The following SRL variants were observed in gnomAD, a reference collection of about 807,000 sequenced individuals.
SRL encodes sarcalumenin.
SRL carries 23 observed loss-of-function variants against 39.5 expected under a neutral mutation model. That is an observed-to-expected ratio of 0.58 (90% CI 0.42 to 0.82). The LOEUF is 0.82. Ranked by LOEUF, SRL falls within the 40% of genes least tolerant of loss-of-function variation. The probability of loss-of-function intolerance (pLI) is 0.00; values close to 1 mark genes in which losing one functional copy is unlikely to be tolerated. For missense variants in SRL, 592 were observed against 607.8 expected (o/e 0.97, Z 0.27); for synonymous variants, 272 against 237.4 (o/e 1.15, Z -1.34).
intron 1 of SRL, among the ~76,000 whole-genome samples, chr16:4,216,695 G>T (rs561272500): frequency 6.6e-6 from 1 of 152,150 alleles, no homozygotes; most frequent in Non-Finnish European, 1.5e-5. Context: ...GAGATCAGCC[G>T]TGCCTGCAGT....
chr16:4,204,376 C>T (rs1411247048), intron 2 of SRL, among the ~76,000 whole-genome samples, 157 bp downstream of exon 2: 8 of 143,778 alleles, frequency 5.6e-5, no homozygotes, highest in Non-Finnish European at 3.1e-5. Context: ...GGGCTCTCCT[C>T]TTCCCCAACG....
At chr16:4,226,504 AGGAT>A (rs966729249) in intron 1 of SRL, among the ~76,000 whole-genome samples, 2 of 150,744 alleles carry the variant, frequency 1.3e-5, no homozygotes, top group Non-Finnish European at 3.0e-5. Flanking sequence ...GGTGAGTGGA[AGGAT>A]GGATGGATGG....
chr16:4,221,377 C>G (rs553582239), intron 1 of SRL, among the ~76,000 whole-genome samples: 13 of 152,206 alleles, frequency 8.5e-5, no homozygotes, highest in Non-Finnish European at 1.8e-4. Flanking sequence ...CCTTGGCAGC[C>G]TCATGGCCAC....
At chr16:4,229,737 T>C (rs1242353588) in intron 1 of SRL, among the ~76,000 whole-genome samples, 1 of 152,100 alleles carries the variant, frequency 6.6e-6, no homozygotes, top group Non-Finnish European at 1.5e-5. Context: ...CATCATGCAC[T>C]ACATCCATGT....
At chr16:4,230,717 T>C (rs911225489) in intron 1 of SRL, among the ~76,000 whole-genome samples, 1 of 152,000 alleles carries the variant, frequency 6.6e-6, no homozygotes, top group African/African-American at 2.4e-5. Flanking sequence ...AAACAGGGTC[T>C]TTGCAAATGT....
At chr16:4,222,117 C>A (rs2052537245) in intron 1 of SRL, among the ~76,000 whole-genome samples, 1 of 152,226 alleles carries the variant, frequency 6.6e-6, no homozygotes, top group African/African-American at 2.4e-5. Flanking sequence ...CCACCACCTG[C>A]CTAACCCACT....
intron 1 of SRL, among the ~76,000 whole-genome samples, chr16:4,205,973 C>A (rs1173596647): frequency 6.6e-6 from 1 of 151,822 alleles, no homozygotes; most frequent in Non-Finnish European, 1.5e-5. Flanking sequence ...TAAATTAATT[C>A]TTCAACGAAG....
At chr16:4,207,257 GTCC>G (rs1567179382) in intron 1 of SRL, 1 of 456,952 alleles carries the variant, frequency 2.2e-6, no homozygotes, top group South Asian at 1.5e-5. Context: ...CTTCATCTGC[GTCC>G]TCCTCAGTCA....
At chr16:4,206,759 CT>C in intron 1 of SRL, 2 of 454,830 alleles carry the variant, frequency 4.4e-6, no homozygotes, top group South Asian at 1.6e-5. Flanking sequence ...CTCCCTCCCC[CT>C]GATGTCCCTC....
chr16:4,240,590 C>A (rs2052762433), intron 1 of SRL, among the ~76,000 whole-genome samples: 1 of 152,148 alleles, frequency 6.6e-6, no homozygotes, highest in Non-Finnish European at 1.5e-5. Context: ...GCACAAGCAC[C>A]TGCCTGCGTC....
At chr16:4,230,234 CA>C (rs371972741) in intron 1 of SRL, among the ~76,000 whole-genome samples, 115 of 152,222 alleles carry the variant, frequency 7.6e-4, no homozygotes, top group African/African-American at 2.6e-3. Context: ...CCAGATCAGC[CA>C]GGGGGGGCAA....
At chr16:4,226,044 C>G (rs1026857597) in intron 1 of SRL, among the ~76,000 whole-genome samples, 6 of 152,158 alleles carry the variant, frequency 3.9e-5, no homozygotes, top group African/African-American at 1.4e-4. Context: ...AGACAACCGT[C>G]TGTCTGACTC....
At chr16:4,205,912 G>C (rs882819) in intron 1 of SRL, among the ~76,000 whole-genome samples, 34,810 of 151,124 alleles carry the variant, frequency 0.23, 4,199 homozygotes, top group African/African-American at 0.3. Flanking sequence ...CACGACTGCA[G>C]CCCAGCCTGG....
At chr16:4,240,509 G>T (rs753283513) in intron 1 of SRL, among the ~76,000 whole-genome samples, 1 of 152,136 alleles carries the variant, frequency 6.6e-6, no homozygotes, top group Non-Finnish European at 1.5e-5. Flanking sequence ...GCTTTACGCC[G>T]GAGGTTGGGC....
In SRL at chr16:4,192,445, T is replaced by A; in HGVS notation, c.1130A>T (p.Lys377Ile). The change falls in exon 6 of 6, where the codon AAA becomes ATA. Residue 377 changes from lysine to isoleucine, a missense_variant. Lys to Ile is a moderately radical substitution (Grantham distance 102). Transcript: ENST00000399609. The surrounding 1 kb of genome is among the most constrained non-coding windows in gnomAD (Gnocchi z 4.0). ...VFKDIVEDPD[K>I]FYIFKTILAK... ...CAGGATGGTCTTGAAGATGTAGAAT[T>A]TATCGGGATCTTCCACAATGTCCTT... 1.9e-6 allele frequency: 3 copies of A among 1,614,190 alleles called. No homozygotes were observed. The highest frequency in any genetic ancestry group is 2.5e-6 in the Non-Finnish European group (3 of 1,180,034).
At chr16:4,226,937 TGGGTGGATGGATGAGTAGATGCATGGAC>T (rs2052597445) in intron 1 of SRL, among the ~76,000 whole-genome samples, 1 of 149,772 alleles carries the variant, frequency 6.7e-6, no homozygotes, top group South Asian at 2.1e-4. Context: ...GATGAATGGA[TGGGTGGATGGATGAGTAGATGCATGGAC>T]GGGTGGATGA....
rs146579785 is a variant in SRL at position 4,235,978 on chromosome 16, G to C, written c.61+6029C>G. ...TAGTCCTGGCTACTCGGGAGGCTGA[G>C]GTGGGAGGATTGCTTGAGCCCAGGA... On this transcript the variant is annotated intron_variant, in intron 1 of 5. Coordinates refer to ENST00000399609, the MANE Select transcript of SRL (RefSeq NM_001098814.2). Among the ~76,000 whole-genome samples the C allele has an allele frequency of 2.1e-3, 322 of 152,050 alleles. 5 individuals carry two copies. Among genetic ancestry groups the C allele is most frequent in the African/African-American group, 7.3e-3 (301 of 41,492 alleles).
At chr16:4,212,209 C>T (rs891702838) in intron 1 of SRL, among the ~76,000 whole-genome samples, 6 of 152,182 alleles carry the variant, frequency 3.9e-5, no homozygotes, top group African/African-American at 1.4e-4. Context: ...TTCTGCTAAA[C>T]AATTTGGAGT....
intron 1 of SRL, among the ~76,000 whole-genome samples, chr16:4,230,428 T>A (rs1156885173): frequency 1.3e-5 from 2 of 150,852 alleles, no homozygotes; most frequent in African/African-American, 4.9e-5. Flanking sequence ...TCGCCCAGGC[T>A]GGAGTATGGT....
Sources: allele counts gnomAD v4.1 joint callset (sites outside exome capture counted in the v4.1 genomes callset), GRCh38; gene constraint gnomAD v4.1.1; non-coding constraint Gnocchi (gnomAD v3.1); transcripts MANE v1.5; gene names NCBI Gene and HGNC (gene_info 2026-07-23, HGNC 2026-07-21).